Variants in CFAP46 observed in about 807,000 individuals in gnomAD.
CFAP46 encodes the protein cilia- and flagella-associated protein 46.
In CFAP46, 245 loss-of-function variants were observed where a neutral mutation model predicts 325.7. That is an observed-to-expected ratio of 0.75 (90% CI 0.68 to 0.84). The LOEUF is 0.84. CFAP46 is among the 40% of genes least tolerant of loss of function. The pLI is 0.00. For synonymous variants in CFAP46, 1,523 were observed against 1,495.9 expected, an observed-to-expected ratio of 1.02 and a Z score of -0.42; for missense variants, 3,346 against 3,543.0, an observed-to-expected ratio of 0.94 and a Z score of 1.41.
At chr10:132,897,766 C>A (rs1333850449) in intron 24 of CFAP46, among the ~76,000 whole-genome samples, 1 of 152,244 alleles carries the variant, frequency 6.6e-6, no homozygotes, top group Non-Finnish European at 1.5e-5. Flanking sequence ...CCTGGGGGAG[C>A]CAGCCGAGGA....
At chr10:132,929,481 G>A (rs774689594) in intron 9 of CFAP46, 14 of 767,222 alleles carry the variant, frequency 1.8e-5, no homozygotes, top group Middle Eastern at 2.3e-4. Flanking sequence ...CTGTGGACCC[G>A]TGGCCACAAG....
At chr10:132,917,382 GGACCCGA>G (rs1158483551) in intron 16 of CFAP46, among the ~76,000 whole-genome samples, 7 of 152,228 alleles carry the variant, frequency 4.6e-5, no homozygotes. Context: ...CTGCGAGCTC[GGACCCGA>G]GGTCCCAGGG....
chr10:132,927,196 C>A (rs1048780156), intron 9 of CFAP46, among the ~76,000 whole-genome samples: 3 of 152,214 alleles, frequency 2.0e-5, no homozygotes, highest in Non-Finnish European at 2.9e-5. Context: ...CCCGCCCTGG[C>A]GTGAGGGGTG....
chr10:132,860,744 G>C (rs1046496565), intron 36 of CFAP46, 38 bp downstream of exon 36: 25 of 1,543,878 alleles, frequency 1.6e-5, no homozygotes, highest in Non-Finnish European at 2.2e-5. Flanking sequence ...ACCTGGCCCG[G>C]CACCCGACAT....
chr10:132,919,273 C>T lies in CFAP46; in HGVS notation c.1858+42G>A. ...AACCCTTCCCACACCCAGAGGGCGG[C>T]CGTGGCCAGGCTGGGACACACTCGT... On this transcript the variant is annotated intron_variant, in intron 15 of 57. Transcript: ENST00000368586. This position sits in a 1 kb window ranked among gnomAD's most constrained non-coding sequence, Gnocchi z 9.7. 1 of 1,525,858 alleles carries T rather than the reference C, an allele frequency of 6.6e-7. No homozygotes were observed. The highest frequency in any genetic ancestry group is 8.8e-7 in the Non-Finnish European group (1 of 1,132,616). 94.5% of individuals were successfully genotyped at this position (1,525,858 alleles called of 1,614,324 possible). A position where few individuals can be genotyped will look rare whatever the true frequency, so the allele number is the denominator to read the frequency against.
rs531684814 is a variant in CFAP46, at chr10:132,912,252, C to A, written c.2499+403G>T. ...CTCTCTCCTGTCCTCTTTCCTCTCT[C>A]TCTCTTCCCTCTCCTCTCTCTTCTC... is the stretch of plus-strand genomic sequence containing the variant. On this transcript the variant is annotated intron_variant, in intron 19 of 57. Transcript: ENST00000368586. 4.4e-4 allele frequency among the ~76,000 whole-genome samples: 56 copies of A among 127,692 alleles called. 1 individual carries two copies. Among genetic ancestry groups the A allele is most frequent in the Non-Finnish European group, 8.9e-4 (50 of 56,402 alleles). The allele number at this position is 127,692 out of a possible 152,430, so 83.8% of individuals were successfully genotyped here.
chr10:132,867,468 C>A lies in CFAP46; in HGVS notation c.4650G>T (p.Lys1550Asn). ...GCAGGCTTTCTTCTAATAAAGGCTC[C>A]TTATTTTTCTCTTTTTTCAACGCGA... ...KEIALKKEKN[K>N]EPLLEESLPA... The change falls in exon 34 of 58, where the codon AAG becomes AAT. Residue 1550 changes from lysine (K) to asparagine (N), a missense_variant. Lys to Asn is a moderately conservative substitution (Grantham distance 94). Transcript: ENST00000368586. 1 of 1,550,484 alleles carries A rather than the reference C, an allele frequency of 6.4e-7. No individual in the cohort carries two copies. Among genetic ancestry groups the A allele is most frequent in the East Asian group, 2.4e-5 (1 of 40,932 alleles).
intron 50 of CFAP46, among the ~76,000 whole-genome samples, chr10:132,821,199 G>A (rs1328828932): frequency 7.7e-6 from 1 of 129,294 alleles, no homozygotes; most frequent in Non-Finnish European, 1.6e-5. Flanking sequence ...TGCTGTGTGA[G>A]TGCTGATGTG....
In CFAP46 at chr10:132,860,941, G is replaced by A; in HGVS notation, c.4932C>T (p.Leu1644=). The A allele has an allele frequency of 1.3e-6, 2 of 1,550,726 alleles. No individual in the cohort carries two copies. The highest frequency in any genetic ancestry group is 2.7e-5 in the African/African-American group (2 of 73,194). ...TCTCCTTGTTGGCCAACTGTGCGAG[G>A]AGGAGCAGGCACTGGGCCTCTGCAC... ...EPCAEAQCLL[L]LAQLANKEKN... Residue 1644 remains leucine, a synonymous_variant, in exon 36 of 58, where the codon CTC becomes CTT. Transcript: ENST00000368586.
In CFAP46 at chr10:132,938,759, G is replaced by C. The variant is rs761982295; in HGVS notation, c.372-6C>G. ...TGTACACCAAAAAGTAGTACCTGCG[G>C]CGCGAGCAGAGGAAGCAGAGAGCAC... is the stretch of plus-strand genomic sequence containing the variant. On this transcript the variant is annotated splice_polypyrimidine_tract_variant and splice_region_variant and intron_variant, in intron 4 of 57. Transcript: ENST00000368586. 1.2e-6 allele frequency: 2 copies of C among 1,610,210 alleles called. No homozygotes were observed. Among genetic ancestry groups the C allele is most frequent in the Non-Finnish European group, 1.7e-6 (2 of 1,178,242 alleles).
rs1221220698 is a variant in CFAP46, at chr10:132,832,402, A to T, written c.7117+956T>A. Among the ~76,000 whole-genome samples the T allele has an allele frequency of 2.1e-5, 2 of 93,558 alleles. No homozygotes were observed. The highest frequency in any genetic ancestry group is 4.6e-4 in the South Asian group (1 of 2,178). The allele number at this position is 93,558 out of a possible 152,430, so 61.4% of individuals were successfully genotyped here. ...GGGCTCTTCCTGCCCCCCCCCCCCA[A>T]TGCTGTGGCCTGGAAATTCCCCAGA... is the stretch of plus-strand genomic sequence containing the variant. On this transcript the variant is annotated intron_variant, in intron 50 of 57. Transcript: ENST00000368586. The surrounding 1 kb of genome is among the most constrained non-coding windows in gnomAD (Gnocchi z 4.1).
At chr10:132,863,146 C>T (rs1351554948) in intron 35 of CFAP46, among the ~76,000 whole-genome samples, 1 of 151,982 alleles carries the variant, frequency 6.6e-6, no homozygotes, top group Non-Finnish European at 1.5e-5. Context: ...GGGTATGAGG[C>T]AGGTTCACTC....
chr10:132,851,333 C>T (rs778091167), intron 39 of CFAP46, 28 bp from the exon 40 acceptor site: 1 of 1,600,702 alleles, frequency 6.2e-7, no homozygotes, highest in South Asian at 1.1e-5. Context: ...GCCTCTGAAG[C>T]ATGGAAGCTT....
intron 35 of CFAP46, among the ~76,000 whole-genome samples, chr10:132,864,405 G>C (rs1411132096): frequency 4.0e-5 from 3 of 74,922 alleles, no homozygotes; most frequent in Admixed American, 1.5e-4. Flanking sequence ...CCTGTCCCCA[G>C]TGCCTGAGAC....
chr10:132,892,070 CAG>C (rs987129415), intron 25 of CFAP46, among the ~76,000 whole-genome samples: 45 of 152,316 alleles, frequency 3.0e-4, no homozygotes, highest in African/African-American at 8.7e-4. Flanking sequence ...CCAATAGTTA[CAG>C]AGTTTGACTG....
chr10:132,895,550 A>T (rs1277687590), intron 24 of CFAP46, among the ~76,000 whole-genome samples: 2 of 151,958 alleles, frequency 1.3e-5, no homozygotes, highest in Non-Finnish European at 2.9e-5. Flanking sequence ...CACAGATGAC[A>T]TGATCCTATA....
chr10:132,924,690 C>T lies in CFAP46; in HGVS notation c.1256+6G>A, dbSNP rs556506974. On this transcript the variant is annotated splice_donor_region_variant and intron_variant, in intron 11 of 57. Coordinates refer to ENST00000368586, the MANE Select transcript of CFAP46 (RefSeq NM_001200049.3). ...GTGGAGGACACAGCACAGGTGAGCG[C>T]CCCACCTGTCCAGCTTCTCCAGCAC... is the stretch of plus-strand genomic sequence containing the variant. 1.6e-5 allele frequency: 24 copies of T among 1,512,458 alleles called. No homozygotes were observed. In the Admixed American group the frequency reaches 5.2e-4, roughly 33 times the overall value. 93.7% of individuals were successfully genotyped at this position (1,512,458 alleles called of 1,614,324 possible).
chr10:132,922,525 C>CTG lies in CFAP46; in HGVS notation c.1438_1439dup (p.Gln480HisfsTer35). The CTG allele has an allele frequency of 1.3e-6, 2 of 1,546,660 alleles. No homozygotes were observed. The highest frequency in any genetic ancestry group is 1.7e-6 in the Non-Finnish European group (2 of 1,146,078). On this transcript the variant is annotated frameshift_variant, in exon 12 of 58. Coordinates refer to ENST00000368586, the MANE Select transcript of CFAP46 (RefSeq NM_001200049.3). LOFTEE classifies it high-confidence loss of function. ...CCTTGTCCTCTGCGCGCTCAGGGGC[C>CTG]TGGTATAGCGTGGTGCACAGACGCA...
At chr10:132,936,751 G>A (rs916118067) in intron 7 of CFAP46, among the ~76,000 whole-genome samples, 3 of 152,022 alleles carry the variant, frequency 2.0e-5, no homozygotes, top group Non-Finnish European at 2.9e-5. Flanking sequence ...TCTCCTCTGT[G>A]CTGGGAGGGA....
Sources: allele counts gnomAD v4.1 joint callset (sites outside exome capture counted in the v4.1 genomes callset), GRCh38; gene constraint gnomAD v4.1.1; non-coding constraint Gnocchi (gnomAD v3.1); transcripts MANE v1.5; gene names NCBI Gene and HGNC (gene_info 2026-07-23, HGNC 2026-07-21).